Variants in SEH1L observed in about 807,000 individuals in gnomAD.
The protein encoded by SEH1L is nucleoporin SEH1.
Under a neutral mutation model 49.5 loss-of-function variants are expected in SEH1L, and 18 were observed. That is an observed-to-expected ratio of 0.36 (90% confidence interval 0.25 to 0.54). The LOEUF (loss-of-function observed/expected upper bound fraction) is 0.54, where lower values mean the gene tolerates loss of function less well. Ranked by LOEUF, SEH1L falls within the 20% of genes least tolerant of loss-of-function variation. The pLI is 0.87. For synonymous variants in SEH1L, 169 were observed against 178.1 expected (o/e 0.95, Z 0.41); for missense variants, 404 against 528.8 (o/e 0.76, Z 2.31).
intron 2 of SEH1L, among the ~76,000 whole-genome samples, chr18:12,953,789 CA>C (rs2030692771): frequency 6.6e-6 from 1 of 152,162 alleles, no homozygotes; most frequent in African/African-American, 2.4e-5. Flanking sequence ...TTTATTATTC[CA>C]AAAGGAAACC....
At chr18:12,980,087 C>T (rs1374648072) in intron 6 of SEH1L, among the ~76,000 whole-genome samples, 3 of 6,316 alleles carry the variant, frequency 4.7e-4, no homozygotes, top group African/African-American at 2.1e-3. Context: ...GGGGGCTGAC[C>T]CCCCCCCACC....
chr18:12,980,159 CG>C (rs2032135573), intron 6 of SEH1L, among the ~76,000 whole-genome samples: 1 of 119,984 alleles, frequency 8.3e-6, no homozygotes, highest in Non-Finnish European at 1.7e-5. Context: ...TAGGGGCGGC[CG>C]GGCAGAGGCA....
chr18:12,948,647 G>GTGAGAGAGA (rs1313203647), intron 1 of SEH1L: 19 of 163,598 alleles, frequency 1.2e-4, no homozygotes, highest in African/African-American at 4.5e-4. Flanking sequence ...CGAGTTCTGT[G>GTGAGAGAGA]CCCCGCCGGT....
intron 5 of SEH1L, chr18:12,972,956 A>G (rs2145645273): frequency 6.6e-6 from 1 of 152,340 alleles, no homozygotes; most frequent in South Asian, 2.1e-4. Flanking sequence ...CTGCCATCTC[A>G]GCACTTTGGG....
chr18:12,955,068 A>G (rs2030770491), intron 2 of SEH1L, among the ~76,000 whole-genome samples: 1 of 152,104 alleles, frequency 6.6e-6, no homozygotes, highest in Non-Finnish European at 1.5e-5. Context: ...TATTTTCTGT[A>G]GAAAGAATTT....
At chr18:12,982,859 T>C (rs2032326154) in intron 7 of SEH1L, 184 bp downstream of exon 7, 3 of 517,768 alleles carry the variant, frequency 5.8e-6, no homozygotes, top group Non-Finnish European at 6.7e-6. Context: ...TGAATTGTTT[T>C]TTAAGTTATG....
intron 3 of SEH1L, 82 bp downstream of exon 3, chr18:12,955,691 T>TATCTGA: frequency 7.1e-7 from 1 of 1,403,068 alleles, no homozygotes; most frequent in Non-Finnish European, 9.9e-7. Context: ...CTCAGATAAT[T>TATCTGA]GGTAAAATAT....
At chr18:12,976,780 T>A (rs1170259846) in intron 5 of SEH1L, 1 of 151,906 alleles carries the variant, frequency 6.6e-6, no homozygotes, top group African/African-American at 2.4e-5. Flanking sequence ...CTGGCTAACA[T>A]GGTGAAACCC....
chr18:12,960,456 C>T (rs1437008964), intron 3 of SEH1L, among the ~76,000 whole-genome samples: 1 of 152,158 alleles, frequency 6.6e-6, no homozygotes, highest in African/African-American at 2.4e-5. Flanking sequence ...GCATTCTGGG[C>T]TCTCTTGTGG....
chr18:12,983,760 G>A (rs1023714835), intron 7 of SEH1L, among the ~76,000 whole-genome samples: 3 of 152,108 alleles, frequency 2.0e-5, no homozygotes, highest in Admixed American at 6.5e-5. Flanking sequence ...ACTTCATAAT[G>A]TGGTAGCTCA....
At chr18:12,979,949 C>T (rs1258073560) in intron 6 of SEH1L, among the ~76,000 whole-genome samples, 1 of 130,018 alleles carries the variant, frequency 7.7e-6, no homozygotes, top group Non-Finnish European at 1.6e-5. Context: ...TAGGGGCGGC[C>T]GGGCAGAGGT....
intron 2 of SEH1L, among the ~76,000 whole-genome samples, chr18:12,953,589 G>A (rs1247523971): frequency 3.9e-5 from 6 of 152,090 alleles, no homozygotes; most frequent in South Asian, 2.1e-4. Flanking sequence ...AATACCTCAT[G>A]TTGATTATTT....
intron 6 of SEH1L, among the ~76,000 whole-genome samples, chr18:12,980,244 C>T (rs534595550): frequency 0.021 from 2,871 of 135,076 alleles, 129 homozygotes; most frequent in African/African-American, 0.079. Flanking sequence ...GACGGGGCGG[C>T]TGGCCCCCCC....
chr18:12,961,769 C>T (rs897219369), intron 3 of SEH1L, among the ~76,000 whole-genome samples: 1 of 152,046 alleles, frequency 6.6e-6, no homozygotes, highest in Admixed American at 6.5e-5. Context: ...CACACTCAAG[C>T]GATTCTCCTG....
chr18:12,978,908 A>G lies in SEH1L; in HGVS notation c.761+16A>G, dbSNP rs373227234. On this transcript the variant is annotated intron_variant, in intron 6 of 8. Coordinates refer to ENST00000399892, the MANE Select transcript of SEH1L (RefSeq NM_001013437.2). Reference sequence around the variant, plus strand: ...AGCCTGTGAGGTGAGTTTTAGAAGCATTTATGAATTTGAAAATACTCTTGC... The same window carrying G: ...AGCCTGTGAGGTGAGTTTTAGAAGCGTTTATGAATTTGAAAATACTCTTGC... 4 of 1,610,812 alleles carry G rather than the reference A, an allele frequency of 2.5e-6. No homozygotes were observed. Among genetic ancestry groups the G allele is most frequent in the Non-Finnish European group, 3.4e-6 (4 of 1,177,984 alleles).
At chr18:12,979,082 T>TC (rs1191906504) in intron 6 of SEH1L, among the ~76,000 whole-genome samples, 190 bp downstream of exon 6, 2 of 151,970 alleles carry the variant, frequency 1.3e-5, no homozygotes, top group African/African-American at 2.4e-5. Flanking sequence ...CTTTCTTTTT[T>TC]TTTTTATTGA....
chr18:12,952,068 G>A (rs1380046710), intron 2 of SEH1L, among the ~76,000 whole-genome samples, 163 bp downstream of exon 2: 1 of 151,934 alleles, frequency 6.6e-6, no homozygotes, highest in Non-Finnish European at 1.5e-5. Context: ...GTGTTTCTCA[G>A]AATTTGAGAG....
intron 7 of SEH1L, among the ~76,000 whole-genome samples, chr18:12,983,762 G>A (rs2032361767): frequency 6.6e-6 from 1 of 152,042 alleles, no homozygotes. Context: ...TTCATAATGT[G>A]GTAGCTCAGA....
intron 6 of SEH1L, among the ~76,000 whole-genome samples, chr18:12,979,850 T>C (rs1239227213): frequency 1.7e-5 from 2 of 118,652 alleles, no homozygotes; most frequent in African/African-American, 3.2e-5. Context: ...ACCTCCCGAA[T>C]GGGGCGGCTG....
Sources: gnomAD v4.1 joint callset for allele counts (sites outside exome capture counted in the v4.1 genomes callset) on GRCh38, gnomAD v4.1.1 for gene constraint, MANE v1.5 for transcripts, NCBI Gene and HGNC (gene_info 2026-07-23, HGNC 2026-07-21) for gene names.